The following MDFIC2 variants were observed in gnomAD, a reference collection of about 807,000 sequenced individuals.
MDFIC2 encodes myoD family inhibitor domain-containing protein 2.
chr3:70,202,686 A>G (rs1282827502), intron 3 of MDFIC2, among the ~76,000 whole-genome samples: 2 of 152,154 alleles, frequency 1.3e-5, no homozygotes, highest in African/African-American at 4.8e-5. Context: ...GCAAAAAGCC[A>G]TGACAAAAAC....
chr3:70,202,271 G>A (rs1408654081), intron 3 of MDFIC2, among the ~76,000 whole-genome samples: 1 of 152,122 alleles, frequency 6.6e-6, no homozygotes, highest in African/African-American at 2.4e-5. Context: ...TCAGTGACTA[G>A]TGGTCTTTCT....
intron 3 of MDFIC2, among the ~76,000 whole-genome samples, chr3:70,198,544 G>A (rs1701203700): frequency 1.3e-5 from 2 of 152,142 alleles, no homozygotes; most frequent in South Asian, 4.1e-4. Flanking sequence ...AAGTTATAAG[G>A]TGAGTCCTGA....
chr3:70,305,991 A>G (rs1702396149), intron 2 of MDFIC2, among the ~76,000 whole-genome samples: 2 of 152,184 alleles, frequency 1.3e-5, no homozygotes, highest in Admixed American at 1.3e-4. Context: ...TCTGATAACC[A>G]TGATAACCAG....
intron 2 of MDFIC2, among the ~76,000 whole-genome samples, chr3:70,247,902 T>C (rs981018619): frequency 2.6e-5 from 4 of 152,098 alleles, no homozygotes; most frequent in African/African-American, 9.6e-5. Context: ...GTTTCTGTTT[T>C]CTGTAGTAAA....
At chr3:70,230,414 G>A (rs867720012) in intron 2 of MDFIC2, among the ~76,000 whole-genome samples, 1 of 151,966 alleles carries the variant, frequency 6.6e-6, no homozygotes, top group East Asian at 1.9e-4. Flanking sequence ...GGTGTCAAAC[G>A]CTTATTTTTT....
At chr3:70,294,373 A>G (rs1404921423) in intron 2 of MDFIC2, among the ~76,000 whole-genome samples, 1 of 152,166 alleles carries the variant, frequency 6.6e-6, no homozygotes, top group Non-Finnish European at 1.5e-5. Context: ...AATTTAACAC[A>G]TATTTATAAG....
Position 70,310,798 on chromosome 3 carries a change from G to C in MDFIC2, c.88+1088C>G, listed in dbSNP as rs1702447399. Among the ~76,000 whole-genome samples, 3 of 152,156 alleles carry C rather than the reference G, an allele frequency of 2.0e-5. No homozygotes were observed. The South Asian group carries it at 6.2e-4, about 31-fold the overall frequency. On this transcript the variant is annotated intron_variant, in intron 2 of 3. Coordinates refer to ENST00000567252, the MANE Select transcript of MDFIC2 (RefSeq NM_001364677.1). ...CATTTTTGAGCACAGATCATGTTCT[G>C]ACGAGTAACTTAAACATTTTTTTTC... is the stretch of plus-strand genomic sequence containing the variant.
At chr3:70,198,571 A>G (rs769961086) in intron 3 of MDFIC2, among the ~76,000 whole-genome samples, 2 of 152,100 alleles carry the variant, frequency 1.3e-5, no homozygotes, top group Non-Finnish European at 2.9e-5. Context: ...GTAAACAGAA[A>G]TCTTTCTTCT....
chr3:70,300,481 G>A (rs1702336748), intron 2 of MDFIC2, among the ~76,000 whole-genome samples: 1 of 151,912 alleles, frequency 6.6e-6, no homozygotes, highest in Non-Finnish European at 1.5e-5. Flanking sequence ...AGTTAGATAT[G>A]TGTATTTTTC....
intron 2 of MDFIC2, among the ~76,000 whole-genome samples, chr3:70,303,102 T>C (rs2106703186): frequency 6.6e-6 from 1 of 152,316 alleles, no homozygotes; most frequent in Middle Eastern, 3.4e-3. Context: ...CCTGAAACAT[T>C]CAGTGCTTCA....
At chr3:70,300,936 G>A (rs1702342844) in intron 2 of MDFIC2, among the ~76,000 whole-genome samples, 1 of 151,990 alleles carries the variant, frequency 6.6e-6, no homozygotes, top group African/African-American at 2.4e-5. Context: ...AAAGCCGTTA[G>A]TGCAATTTTC....
intron 2 of MDFIC2, chr3:70,291,308 C>G (rs1259976156): frequency 6.6e-6 from 1 of 151,990 alleles, no homozygotes; most frequent in African/African-American, 2.4e-5. Flanking sequence ...TAGCAGCCAA[C>G]TCATTTTTTT....
chr3:70,267,997 C>T (rs1701936603), intron 2 of MDFIC2, among the ~76,000 whole-genome samples: 1 of 151,294 alleles, frequency 6.6e-6, no homozygotes, highest in African/African-American at 2.4e-5. Flanking sequence ...CCTTTCACCT[C>T]CCCTTTCTCC....
intron 2 of MDFIC2, among the ~76,000 whole-genome samples, chr3:70,210,909 T>C (rs1489477226): frequency 6.6e-6 from 1 of 152,158 alleles, no homozygotes; most frequent in African/African-American, 2.4e-5. Context: ...GAGCAAATGT[T>C]ATTAATTTAA....
chr3:70,197,617 T>G (rs1701195122), intron 3 of MDFIC2, among the ~76,000 whole-genome samples: 1 of 152,210 alleles, frequency 6.6e-6, no homozygotes, highest in African/African-American at 2.4e-5. Context: ...CCCTGTTTCT[T>G]GTCACTAGGC....
At chr3:70,222,668 C>T (rs1233041348) in intron 2 of MDFIC2, among the ~76,000 whole-genome samples, 1 of 152,158 alleles carries the variant, frequency 6.6e-6, no homozygotes, top group Non-Finnish European at 1.5e-5. Flanking sequence ...ATCCTTACCA[C>T]TTAGCTAATG....
At chr3:70,279,589 C>A (rs55691252) in intron 2 of MDFIC2, among the ~76,000 whole-genome samples, 3 of 152,138 alleles carry the variant, frequency 2.0e-5, no homozygotes, top group African/African-American at 2.4e-5. Flanking sequence ...CCAGTCCAGA[C>A]GGAATCTGGG....
intron 2 of MDFIC2, among the ~76,000 whole-genome samples, chr3:70,274,222 T>C (rs1285905735): frequency 3.3e-5 from 5 of 151,916 alleles, no homozygotes; most frequent in Non-Finnish European, 7.4e-5. Flanking sequence ...AGAAAGACAA[T>C]TGATATGTTT....
chr3:70,280,362 G>A (rs1195455029), intron 2 of MDFIC2, among the ~76,000 whole-genome samples: 1 of 152,020 alleles, frequency 6.6e-6, no homozygotes, highest in Non-Finnish European at 1.5e-5. Context: ...ATATGTACAG[G>A]TTCCAGGAAT....
Sources: allele counts gnomAD v4.1 joint callset (sites outside exome capture counted in the v4.1 genomes callset), GRCh38; gene constraint gnomAD v4.1.1; transcripts MANE v1.5; gene names NCBI Gene and HGNC (gene_info 2026-07-23, HGNC 2026-07-21).